The following HOXA3 variants were observed in gnomAD, a reference collection of about 807,000 sequenced individuals.
HOXA3 encodes homeobox protein Hox-A3.
A neutral mutation model predicts 30.3 loss-of-function variants in HOXA3; 8 were observed. The ratio of observed to expected loss-of-function variants is 0.26; its 90% CI spans 0.15 to 0.48. The LOEUF (loss-of-function observed/expected upper bound fraction) is 0.48, where lower values mean the gene tolerates loss of function less well. HOXA3 is among the 20% of genes least tolerant of loss of function. HOXA3 has a pLI of 0.99. For synonymous variants in HOXA3, 323 were observed against 273.1 expected (o/e 1.18, Z -1.80); for missense variants, 653 against 614.4 (o/e 1.06, Z -0.66).
At chr7:27,147,778 T>C in intron 1 of HOXA3, 1 of 1,577,054 alleles carries the variant, frequency 6.3e-7, no homozygotes. Flanking sequence ...GACTGTGATT[T>C]GTTGTGTATT....
chr7:27,111,017 C>A (rs1784343856), intron 4 of HOXA3, among the ~76,000 whole-genome samples: 1 of 152,094 alleles, frequency 6.6e-6, no homozygotes, highest in Admixed American at 6.6e-5. Flanking sequence ...CAAGCTGATT[C>A]TCAGGAGCCG....
chr7:27,151,646 G>A (rs765093010), intron 1 of HOXA3: 11 of 456,592 alleles, frequency 2.4e-5, no homozygotes, highest in South Asian at 1.5e-4. Context: ...CGGGCGAAGG[G>A]AAGCCGGCAA....
intron 2 of HOXA3, chr7:27,130,461 G>C (rs1182045745): frequency 8.1e-7 from 1 of 1,231,496 alleles, no homozygotes; most frequent in East Asian, 3.5e-5. Context: ...CCCCATGCGC[G>C]GGGTACAGCG....
intron 1 of HOXA3, chr7:27,142,189 A>G: frequency 7.6e-7 from 1 of 1,309,328 alleles, no homozygotes; most frequent in Non-Finnish European, 1.0e-6. Flanking sequence ...GAAAAGCTCA[A>G]CAAGTTCTGC....
chr7:27,121,403 C>G (rs1263336737), intron 4 of HOXA3, among the ~76,000 whole-genome samples: 1 of 152,174 alleles, frequency 6.6e-6, no homozygotes, highest in African/African-American at 2.4e-5. Context: ...TTTATACATG[C>G]AATTGTTCTG....
Position 27,145,812 on chromosome 7 carries a change from C to T in HOXA3, c.-493-5626G>A, listed in dbSNP as rs1339380575. On this transcript the variant is annotated intron_variant, in intron 1 of 5. Coordinates refer to ENST00000612286, the MANE Select transcript of HOXA3 (RefSeq NM_153631.3). ...CGCGTTGGCGATCTCGATGCGGCGG[C>T]GCCGTGTCAGGTAGCGGTTGAAGTG... 10 of 1,614,142 alleles carry T rather than the reference C, an allele frequency of 6.2e-6. No individual in the cohort carries two copies. The highest frequency in any genetic ancestry group is 8.5e-6 in the Non-Finnish European group (10 of 1,180,056).
intron 4 of HOXA3, among the ~76,000 whole-genome samples, chr7:27,114,425 C>A (rs562756127): frequency 1.4e-4 from 21 of 151,764 alleles, no homozygotes; most frequent in Admixed American, 1.2e-3. Flanking sequence ...TCACCTGCAA[C>A]TCCCAAACAG....
intron 3 of HOXA3, among the ~76,000 whole-genome samples, chr7:27,125,987 A>G (rs1321989845): frequency 1.3e-5 from 2 of 152,182 alleles, no homozygotes; most frequent in Non-Finnish European, 2.9e-5. Flanking sequence ...ATGAAGTCAG[A>G]GATGCTATGC....
intron 2 of HOXA3, among the ~76,000 whole-genome samples, chr7:27,133,026 G>A (rs1048906988): frequency 6.6e-6 from 1 of 152,108 alleles, no homozygotes; most frequent in South Asian, 2.1e-4. Flanking sequence ...TAACCCAAAC[G>A]AGTTAGCTGT....
chr7:27,119,147 ACC>A lies in HOXA3; in HGVS notation c.-121+3410_-121+3411del, dbSNP rs35394199. Among the ~76,000 whole-genome samples the A allele has an allele frequency of 6.6e-3, 709 of 107,128 alleles. 8 individuals are homozygous for A. Among genetic ancestry groups the A allele is most frequent in the South Asian group, 0.012 (32 of 2,612 alleles). 70.3% of individuals were successfully genotyped at this position (107,128 alleles called of 152,430 possible). On this transcript the variant is annotated intron_variant, in intron 4 of 5. Coordinates refer to ENST00000612286, the MANE Select transcript of HOXA3 (RefSeq NM_153631.3). Reference sequence around the variant, plus strand: ...AAATGATCTAATTGCTCTGCAAGAGACCCCCCCCCCCAAAAAAAATAAGAAAA... The same window carrying A: ...AAATGATCTAATTGCTCTGCAAGAGACCCCCCCCCAAAAAAAATAAGAAAA...
chr7:27,130,293 G>T, intron 2 of HOXA3: 1 of 1,095,302 alleles, frequency 9.1e-7, no homozygotes, highest in Non-Finnish European at 1.1e-6. Flanking sequence ...GGGGCACGGC[G>T]CGAGGCTGCA....
intron 1 of HOXA3, among the ~76,000 whole-genome samples, chr7:27,142,311 C>T (rs1782599898): frequency 6.6e-6 from 1 of 152,200 alleles, no homozygotes; most frequent in Admixed American, 6.5e-5. Flanking sequence ...GGGCCGTGTC[C>T]CGGCGGACTC....
intron 4 of HOXA3, among the ~76,000 whole-genome samples, chr7:27,117,625 G>T (rs577175738): frequency 6.6e-6 from 1 of 152,258 alleles, no homozygotes; most frequent in East Asian, 1.9e-4. Flanking sequence ...CAATAAAATG[G>T]CAGCGCATCT....
chr7:27,141,113 C>CAAAAAAAAA (rs147485948), intron 1 of HOXA3: 9 of 82,916 alleles, frequency 1.1e-4, no homozygotes, highest in Non-Finnish European at 1.3e-4. Flanking sequence ...AAAACAAATA[C>CAAAAAAAAA]AAAAAAAAAA....
intron 1 of HOXA3, chr7:27,145,854 T>C (rs202074180): frequency 4.3e-6 from 7 of 1,614,082 alleles, no homozygotes; most frequent in Non-Finnish European, 5.9e-6. Context: ...CTTCTCCAGC[T>C]CCAGTGTCTG....
chr7:27,145,509 T>C, intron 1 of HOXA3: 1 of 892,424 alleles, frequency 1.1e-6, no homozygotes, highest in Non-Finnish European at 1.7e-6. Flanking sequence ...AAGAAATAAA[T>C]GCACAGACGC....
intron 2 of HOXA3, chr7:27,129,664 C>T: frequency 2.3e-6 from 3 of 1,327,742 alleles, no homozygotes; most frequent in Non-Finnish European, 3.2e-6. Context: ...TGGGGAAGAG[C>T]AATTGGACAT....
chr7:27,150,849 GC>G, intron 1 of HOXA3: 2 of 152,480 alleles, frequency 1.3e-5, no homozygotes, highest in Non-Finnish European at 2.9e-5. Context: ...CTGGGTGATC[GC>G]CCCCCAGGTC....
chr7:27,110,219 G>C lies in HOXA3; in HGVS notation c.422C>G (p.Ala141Gly). The C allele has an allele frequency of 1.9e-6, 3 of 1,614,100 alleles. No homozygotes were observed. Among genetic ancestry groups the C allele is most frequent in the Non-Finnish European group, 2.5e-6 (3 of 1,180,036 alleles). ...ASNNPTPANA[A>G]KSPLLNSPTV... ...GGGTGAGTTGAGCAGGGGGCTCTTG[G>C]CCGCGTTGGCAGGGGTAGGGTTGTT... Residue 141 changes from alanine (A) to glycine (G), a missense_variant, in exon 5 of 6, where the codon GCC (alanine) becomes GGC (glycine). By Grantham distance (60) the Ala-to-Gly change is moderately conservative. Transcript: ENST00000612286.
Sources: allele counts gnomAD v4.1 joint callset (sites outside exome capture counted in the v4.1 genomes callset), GRCh38; gene constraint gnomAD v4.1.1; transcripts MANE v1.5; gene names NCBI Gene and HGNC (gene_info 2026-07-23, HGNC 2026-07-21).